The following CBX5 variants were observed in gnomAD, a reference collection of about 807,000 sequenced individuals.
The protein encoded by CBX5 is chromobox 5, also known as chromobox protein homolog 5.
A neutral mutation model predicts 20.7 loss-of-function variants in CBX5; 7 were observed. The ratio of observed to expected loss-of-function variants is 0.34; its 90% CI spans 0.19 to 0.63. CBX5 has a LOEUF of 0.63. Among genes scored for constraint, CBX5 ranks in the 30% least tolerant of loss-of-function variants. The probability of loss-of-function intolerance (pLI) is 0.75; values close to 1 mark genes in which losing one functional copy is unlikely to be tolerated. For synonymous variants in CBX5, 78 were observed against 77.0 expected (o/e 1.01, Z -0.07); for missense variants, 110 against 224.1 (o/e 0.49, Z 3.25).
In CBX5 at chr12:54,231,194, T is replaced by C. The variant is rs1329565265; in HGVS notation, c.*10561A>G. The C allele has an allele frequency of 6.6e-6, 1 of 152,188 alleles. No homozygotes were observed. Among genetic ancestry groups the C allele is most frequent in the South Asian group, 2.1e-4 (1 of 4,830 alleles). 9.4% of individuals were successfully genotyped at this position (152,188 alleles called of 1,614,324 possible). ...AAGAAACACAGCTAAAACTCCCCCA[T>C]AAACCTAAAAGTCCATGGAGAATTC... On this transcript the variant is annotated 3_prime_UTR_variant, in exon 5 of 5. Coordinates refer to ENST00000209875, the MANE Select transcript of CBX5 (RefSeq NM_012117.3).
chr12:54,265,100 T>C (rs1799271041), intron 1 of CBX5, among the ~76,000 whole-genome samples: 1 of 152,140 alleles, frequency 6.6e-6, no homozygotes, highest in African/African-American at 2.4e-5. Flanking sequence ...CATTGATGAG[T>C]GGTTGCAGTT....
intron 1 of CBX5, among the ~76,000 whole-genome samples, chr12:54,275,406 T>TA (rs1944053969): frequency 6.6e-6 from 1 of 151,968 alleles, no homozygotes; most frequent in Non-Finnish European, 1.5e-5. Flanking sequence ...CACGCCCGGC[T>TA]AATTTTTTGT....
chr12:54,268,646 C>CA (rs1943979924), intron 1 of CBX5, among the ~76,000 whole-genome samples: 1 of 152,216 alleles, frequency 6.6e-6, no homozygotes, highest in African/African-American at 2.4e-5. Flanking sequence ...TCAAGCATTG[C>CA]ATGAGCACAG....
At position 54,265,549 on chromosome 12, in the gene CBX5, G is replaced by A. The variant is rs534731853; in HGVS notation, c.-42-7857C>T. On this transcript the variant is annotated intron_variant, in intron 1 of 4. Coordinates refer to ENST00000209875, the MANE Select transcript of CBX5 (RefSeq NM_012117.3). Reference sequence around the variant, plus strand: ...AAGCCCATGAGCACACAATTCAAGAGGAGTTAAAAGCTTTTTAAATGTCTG... The same window carrying A: ...AAGCCCATGAGCACACAATTCAAGAAGAGTTAAAAGCTTTTTAAATGTCTG... 5.9e-5 allele frequency among the ~76,000 whole-genome samples: 9 copies of A among 152,314 alleles called. 1 individual carries two copies. The East Asian group carries it at 1.3e-3, about 23-fold the overall frequency.
chr12:54,253,229 A>G (rs1943826658), intron 2 of CBX5, among the ~76,000 whole-genome samples: 1 of 152,024 alleles, frequency 6.6e-6, no homozygotes, highest in African/African-American at 2.4e-5. Flanking sequence ...AGCCTGGTCA[A>G]TATTGCAAAA....
chr12:54,266,075 C>T (rs1051838969), intron 1 of CBX5, among the ~76,000 whole-genome samples: 2 of 146,890 alleles, frequency 1.4e-5, no homozygotes, highest in Non-Finnish European at 3.0e-5. Flanking sequence ...GCGAAACCTC[C>T]TACTACAGTG....
intron 1 of CBX5, chr12:54,272,333 C>A (rs1944018162): frequency 6.6e-6 from 1 of 152,114 alleles, no homozygotes; most frequent in Non-Finnish European, 1.5e-5. Context: ...ATCTCAAGCT[C>A]ATGGCTTTAT....
intron 1 of CBX5, among the ~76,000 whole-genome samples, chr12:54,260,157 A>C (rs772791579): frequency 1.0e-4 from 15 of 145,444 alleles, no homozygotes; most frequent in East Asian, 1.0e-3. Context: ...CCAAAACAAC[A>C]ACCAAAAAAA....
At chr12:54,252,007 A>C in intron 3 of CBX5, 34 bp downstream of exon 3, 1 of 1,493,340 alleles carries the variant, frequency 6.7e-7, no homozygotes, top group Non-Finnish European at 8.9e-7. Flanking sequence ...GTGGCAAAAG[A>C]ATAGTTTTTG....
Position 54,236,089 on chromosome 12 carries a change from C to T in CBX5, c.*5666G>A, listed in dbSNP as rs1466332479. 2.0e-5 allele frequency: 3 copies of T among 152,274 alleles called. No homozygotes were observed. The highest frequency in any genetic ancestry group is 4.1e-4 in the South Asian group (2 of 4,828). 9.4% of individuals were successfully genotyped at this position (152,274 alleles called of 1,614,324 possible). On this transcript the variant is annotated 3_prime_UTR_variant, in exon 5 of 5. Transcript: ENST00000209875. ...TCTATGGCCAGCTGGCTCAGTTCAC[C>T]CAATGTTATAGGTCTTTTCCACATA...
Position 54,232,842 on chromosome 12 carries a change from C to T in CBX5, c.*8913G>A, listed in dbSNP as rs1943582064. 1 of 152,070 alleles carries T rather than the reference C, an allele frequency of 6.6e-6. No homozygotes were observed. The highest frequency in any genetic ancestry group is 2.1e-4 in the South Asian group (1 of 4,820). The allele number at this position is 152,070 out of a possible 1,614,324, so 9.4% of individuals were successfully genotyped here. ...TTTTGTAAAGAAATATTCACTTTAT[C>T]TTAGGAGGTGAAGGACTAAGTCACA... On this transcript the variant is annotated 3_prime_UTR_variant, in exon 5 of 5. Transcript: ENST00000209875.
chr12:54,262,708 G>C (rs978870302), intron 1 of CBX5: 2 of 152,636 alleles, frequency 1.3e-5, no homozygotes, highest in African/African-American at 4.8e-5. Flanking sequence ...AGGGTCAAAT[G>C]AAACACAAAG....
At chr12:54,254,450 C>T (rs1943844075) in intron 2 of CBX5, among the ~76,000 whole-genome samples, 1 of 151,812 alleles carries the variant, frequency 6.6e-6, no homozygotes, top group South Asian at 2.1e-4. Context: ...TTACTCTTGA[C>T]CTAAACAACT....
rs989085872 is a variant in CBX5, at chr12:54,233,224, T to G, written c.*8531A>C. 1 of 152,212 alleles carries G rather than the reference T, an allele frequency of 6.6e-6. No individual in the cohort carries two copies. Among genetic ancestry groups the G allele is most frequent in the African/African-American group, 2.4e-5 (1 of 41,444 alleles). The allele number at this position is 152,212 out of a possible 1,614,324, so 9.4% of individuals were successfully genotyped here. A position where few individuals can be genotyped will look rare whatever the true frequency, so the allele number is the denominator to read the frequency against. ...AAAATATTCTCTGTAACTAATCATA[T>G]AGACTCTTGAATTCTTTCCTCCTGT... On this transcript the variant is annotated 3_prime_UTR_variant, in exon 5 of 5. Transcript: ENST00000209875.
At position 54,265,773 on chromosome 12, in the gene CBX5, C is replaced by T. The variant is rs546409402; in HGVS notation, c.-42-8081G>A. 5.9e-5 allele frequency among the ~76,000 whole-genome samples: 9 copies of T among 152,216 alleles called. No individual in the cohort carries two copies. In the South Asian group the frequency reaches 1.0e-3, roughly 18 times the overall value. ...AATCAGGCCAAGAGGCTGGGCACAA[C>T]GGCTCACGGCTGTAATCCCAGCACT... On this transcript the variant is annotated intron_variant, in intron 1 of 4. Coordinates refer to ENST00000209875, the MANE Select transcript of CBX5 (RefSeq NM_012117.3).
intron 1 of CBX5, among the ~76,000 whole-genome samples, chr12:54,267,908 T>C (rs915449293): frequency 1.3e-5 from 2 of 151,892 alleles, no homozygotes; most frequent in Non-Finnish European, 1.5e-5. Flanking sequence ...TTTTGGGAGG[T>C]GGAGGCAGGC....
intron 2 of CBX5, among the ~76,000 whole-genome samples, chr12:54,252,764 C>G (rs2137017940): frequency 6.6e-6 from 1 of 151,954 alleles, no homozygotes; most frequent in African/African-American, 2.4e-5. Context: ...GCAGGCAGAT[C>G]ACTTGAGGTC....
At chr12:54,279,350 G>T (rs1453289755) in intron 1 of CBX5, among the ~76,000 whole-genome samples, 1 of 152,070 alleles carries the variant, frequency 6.6e-6, no homozygotes, top group African/African-American at 2.4e-5. Context: ...GTGAGGGGGC[G>T]GGGGAAAAAT....
chr12:54,276,396 T>C (rs1453549119), intron 1 of CBX5, among the ~76,000 whole-genome samples: 1 of 152,230 alleles, frequency 6.6e-6, no homozygotes, highest in African/African-American at 2.4e-5. Flanking sequence ...AAGCCTGTTT[T>C]ATAATAAAGT....
Sources: gnomAD v4.1 joint callset for allele counts (sites outside exome capture counted in the v4.1 genomes callset) on GRCh38, gnomAD v4.1.1 for gene constraint, MANE v1.5 for transcripts, NCBI Gene and HGNC (gene_info 2026-07-23, HGNC 2026-07-21) for gene names.